ASPSCR1: variants seen among roughly 807,000 people sequenced by gnomAD.
The protein encoded by ASPSCR1 is tether containing UBX domain for GLUT4.
Under a neutral mutation model 68.9 loss-of-function variants are expected in ASPSCR1, and 55 were observed. The ratio of observed to expected loss-of-function variants is 0.80; its 90% CI spans 0.64 to 1.00. The LOEUF is 1.00. Ranked by LOEUF, ASPSCR1 falls within the 50% of genes least tolerant of loss-of-function variation. ASPSCR1 has a pLI of 0.00. For synonymous variants in ASPSCR1, 352 were observed against 332.6 expected (o/e 1.06, Z -0.63); for missense variants, 765 against 762.2 (o/e 1.00, Z -0.04).
At chr17:81,985,018 CG>C (rs2041936750) in intron 3 of ASPSCR1, among the ~76,000 whole-genome samples, 2 of 128,264 alleles carry the variant, frequency 1.6e-5, no homozygotes, top group East Asian at 2.3e-4. Flanking sequence ...CTGCACACAC[CG>C]CCCACACCAA....
At chr17:81,995,012 A>G (rs560167491) in intron 5 of ASPSCR1, 134 bp downstream of exon 5, 18 of 1,025,406 alleles carry the variant, frequency 1.8e-5, no homozygotes, top group Non-Finnish European at 2.3e-5. Flanking sequence ...GACGTGTTTC[A>G]TGGAAAAAGA....
At position 82,012,301 on chromosome 17, in the gene ASPSCR1, TG is replaced by T; in HGVS notation, c.1353+22del. 6.2e-7 allele frequency: 1 copy of T among 1,612,134 alleles called. No homozygotes were observed. The highest frequency in any genetic ancestry group is 1.3e-5 in the African/African-American group (1 of 74,982). ...TCTTTCAGGTACCTGAGGGCCTCCC[TG>T]GGGTGCTGCGGGGCGGGGCCCTCCA... On this transcript the variant is annotated intron_variant, in intron 12 of 15. Transcript: ENST00000306739.
At chr17:82,007,031 C>T (rs1450923699) in intron 7 of ASPSCR1, 1 of 152,338 alleles carries the variant, frequency 6.6e-6, no homozygotes, top group East Asian at 1.9e-4. Context: ...CCCCTGGCAT[C>T]TCCCTCTGTC....
chr17:81,993,883 C>T (rs1274387092), intron 4 of ASPSCR1, among the ~76,000 whole-genome samples: 2 of 152,160 alleles, frequency 1.3e-5, no homozygotes, highest in Non-Finnish European at 2.9e-5. Flanking sequence ...GACCTGAGGC[C>T]GGCCCTGGCC....
intron 7 of ASPSCR1, 110 bp from the exon 8 acceptor site, chr17:82,008,927 T>G: frequency 7.3e-7 from 1 of 1,361,716 alleles, no homozygotes. Flanking sequence ...AGGGAGGGAG[T>G]GGGCCCAGCT....
At chr17:82,014,943 A>G in intron 12 of ASPSCR1, 1 of 1,117,290 alleles carries the variant, frequency 9.0e-7, no homozygotes, top group Non-Finnish European at 1.2e-6. Flanking sequence ...CGAGGGAGCC[A>G]GGCAGGGGCA....
rs200674638 is a variant in ASPSCR1 at position 81,996,466 on chromosome 17, C to T, written c.553C>T (p.Leu185=). The change falls in exon 7 of 16, where the codon CTG becomes TTG. Residue 185 remains leucine, a synonymous_variant. Coordinates refer to ENST00000306739, the MANE Select transcript of ASPSCR1 (RefSeq NM_024083.4). ...CCCCGTGGGCAAGACCCCAGGAAGC[C>T]TGGGCTCGTCAGCGTCGGCTGGCCA... ...YDPVGKTPGS[L]GSSASAGQAA... 2.5e-5 allele frequency: 41 copies of T among 1,608,956 alleles called. No homozygotes were observed. In the East Asian group the frequency reaches 4.2e-4, roughly 17 times the overall value.
chr17:82,008,693 C>T (rs62078704), intron 7 of ASPSCR1: 6 of 242,398 alleles, frequency 2.5e-5, no homozygotes, highest in Non-Finnish European at 4.0e-5. Flanking sequence ...AATTTGGCGG[C>T]TGTCGCCACC....
chr17:82,002,113 C>T (rs2042555837), intron 7 of ASPSCR1, among the ~76,000 whole-genome samples: 1 of 150,370 alleles, frequency 6.7e-6, no homozygotes. Context: ...CTCAGCCTCC[C>T]GAGTAGCTGG....
chr17:81,982,297 C>T (rs567712553), intron 2 of ASPSCR1, among the ~76,000 whole-genome samples: 6 of 152,356 alleles, frequency 3.9e-5, no homozygotes, highest in East Asian at 3.9e-4. Flanking sequence ...TTCACCTGCC[C>T]GTGGTCTGTG....
At chr17:82,010,990 G>A in intron 10 of ASPSCR1, 122 bp downstream of exon 10, 2 of 1,176,684 alleles carry the variant, frequency 1.7e-6, no homozygotes, top group Non-Finnish European at 2.4e-6. Context: ...GGCACTGGGT[G>A]GGTGCGGGTG....
At chr17:81,985,054 ACACC>A (rs1567957209) in intron 3 of ASPSCR1, among the ~76,000 whole-genome samples, 1 of 102,008 alleles carries the variant, frequency 9.8e-6, no homozygotes, top group Non-Finnish European at 1.9e-5. Flanking sequence ...CCCCCCACAC[ACACC>A]CACGCACACA....
At chr17:81,995,907 C>T in intron 5 of ASPSCR1, 85 bp from the exon 6 acceptor site, 3 of 1,364,868 alleles carry the variant, frequency 2.2e-6, no homozygotes, top group Non-Finnish European at 3.1e-6. Flanking sequence ...GGCCTGTGGT[C>T]CTGGTGGTGC....
chr17:81,994,764 C>T (rs1013638139), intron 4 of ASPSCR1, 57 bp from the exon 5 acceptor site: 13 of 1,550,388 alleles, frequency 8.4e-6, no homozygotes, highest in East Asian at 4.5e-5. Context: ...CCAGGGCCTC[C>T]GTGGCACTGG....
chr17:82,016,514 C>A lies in ASPSCR1; in HGVS notation c.1392C>A (p.Ala464=), dbSNP rs756718621. Residue 464 remains alanine, a synonymous_variant, in exon 13 of 16, where the codon GCC becomes GCA. Transcript: ENST00000306739. ...CGGCCGCTCTGGTGCACTTGGGAGC[C>A]GAGGAGCCGGCAGGTGAGTGTCAGT... ...LFPAALVHLG[A]EEPAGVYLEP... is the part of the protein sequence containing the mutation. The A allele has an allele frequency of 1.3e-6, 2 of 1,549,066 alleles. No homozygotes were observed. Among genetic ancestry groups the A allele is most frequent in the Non-Finnish European group, 1.7e-6 (2 of 1,147,108 alleles).
At chr17:81,989,866 CA>C (rs2042105633) in intron 4 of ASPSCR1, among the ~76,000 whole-genome samples, 1 of 152,240 alleles carries the variant, frequency 6.6e-6, no homozygotes, top group African/African-American at 2.4e-5. Flanking sequence ...TGGCTCACTG[CA>C]ACCTCCGCCT....
chr17:82,011,152 C>T (rs2042924717), intron 10 of ASPSCR1, among the ~76,000 whole-genome samples: 1 of 152,314 alleles, frequency 6.6e-6, no homozygotes, highest in East Asian at 1.9e-4. Flanking sequence ...GGCAGAGGGG[C>T]ACCCAGAGGA....
chr17:82,009,287 C>T (rs2042830150), intron 8 of ASPSCR1, 96 bp downstream of exon 8: 5 of 1,459,980 alleles, frequency 3.4e-6, no homozygotes, highest in Non-Finnish European at 4.6e-6. Flanking sequence ...AGCACTGGCT[C>T]CCGGCCCAGG....
intron 10 of ASPSCR1, 34 bp from the exon 11 acceptor site, chr17:82,011,509 A>G (rs1598432658): frequency 1.3e-6 from 2 of 1,560,594 alleles, no homozygotes; most frequent in South Asian, 1.2e-5. Context: ...GCGTGGTGGA[A>G]GAGCTGTCTG....
Sources: gnomAD v4.1 joint callset for allele counts (sites outside exome capture counted in the v4.1 genomes callset) on GRCh38, gnomAD v4.1.1 for gene constraint, MANE v1.5 for transcripts, NCBI Gene and HGNC (gene_info 2026-07-23, HGNC 2026-07-21) for gene names.